SLC8A1: variants seen among roughly 807,000 people sequenced by gnomAD.
The protein encoded by SLC8A1 is solute carrier family 8 member A1, also known as sodium/calcium exchanger 1.
In SLC8A1, 18 loss-of-function variants were observed where a neutral mutation model predicts 68.3. That is an observed-to-expected ratio of 0.26 (90% CI 0.18 to 0.39). SLC8A1 has a LOEUF of 0.39. Among genes scored for constraint, SLC8A1 ranks in the 10% least tolerant of loss-of-function variants. SLC8A1 has a pLI of 1.00. For synonymous variants in SLC8A1, 475 were observed against 415.5 expected (o/e 1.14, Z -1.74); for missense variants, 985 against 1,156.7 (o/e 0.85, Z 2.15).
intron 2 of SLC8A1, among the ~76,000 whole-genome samples, chr2:40,395,529 C>T (rs1255191037): frequency 6.6e-6 from 1 of 152,058 alleles, no homozygotes; most frequent in South Asian, 2.1e-4. Flanking sequence ...CTGTCTGGCC[C>T]CTCATGAGAA....
chr2:40,225,425 G>A (rs1408676349), intron 2 of SLC8A1, among the ~76,000 whole-genome samples: 2 of 152,106 alleles, frequency 1.3e-5, no homozygotes, highest in Non-Finnish European at 2.9e-5. Flanking sequence ...CATATTAATG[G>A]CTACTAATAG....
At chr2:40,304,262 G>C (rs2072132507) in intron 2 of SLC8A1, among the ~76,000 whole-genome samples, 1 of 152,110 alleles carries the variant, frequency 6.6e-6, no homozygotes, top group African/African-American at 2.4e-5. Context: ...CTTTTAATTA[G>C]AGTTTTAGTC....
At chr2:40,193,742 G>C (rs768661242) in intron 2 of SLC8A1, among the ~76,000 whole-genome samples, 1 of 152,062 alleles carries the variant, frequency 6.6e-6, no homozygotes, top group African/African-American at 2.4e-5. Flanking sequence ...AATAAAGCTT[G>C]TATTGTAGTG....
In SLC8A1 at chr2:40,370,636, T is replaced by C. The variant is rs143512797; in HGVS notation, c.1808+57837A>G. Among the ~76,000 whole-genome samples, 154 of 152,196 alleles carry C rather than the reference T, an allele frequency of 1.0e-3. 1 individual carries two copies. Among genetic ancestry groups the C allele is most frequent in the Middle Eastern group, 3.4e-3 (1 of 294 alleles). Reference sequence around the variant, plus strand: ...AACTTGAATAATGAATTATAAAATATGTTAAATTGACAAATGACACTAATT... The same window carrying C: ...AACTTGAATAATGAATTATAAAATACGTTAAATTGACAAATGACACTAATT... On this transcript the variant is annotated intron_variant, in intron 2 of 7. Coordinates refer to ENST00000406785, the Ensembl canonical transcript of SLC8A1.
At chr2:40,422,256 T>A (rs1249944624) in intron 2 of SLC8A1, among the ~76,000 whole-genome samples, 2 of 152,184 alleles carry the variant, frequency 1.3e-5, no homozygotes, top group African/African-American at 4.8e-5. Context: ...GACTAATCGA[T>A]GTTCTACCCC....
At chr2:40,168,487 G>A (rs1481682120) in intron 4 of SLC8A1, among the ~76,000 whole-genome samples, 1 of 152,104 alleles carries the variant, frequency 6.6e-6, no homozygotes, top group African/African-American at 2.4e-5. Context: ...AATGGCAGCT[G>A]TATAGATTCT....
chr2:40,343,809 T>G (rs1414868493), intron 2 of SLC8A1, among the ~76,000 whole-genome samples: 4 of 152,206 alleles, frequency 2.6e-5, no homozygotes, highest in Non-Finnish European at 5.9e-5. Context: ...CTACTGTACT[T>G]GTAATTTTGA....
chr2:40,258,363 C>T (rs1000447730), intron 2 of SLC8A1, among the ~76,000 whole-genome samples: 9 of 152,146 alleles, frequency 5.9e-5, no homozygotes, highest in Non-Finnish European at 1.2e-4. Flanking sequence ...TACCTTCAGA[C>T]GTCAAAATGA....
At chr2:40,495,057 A>G (rs1705603089) in intron 1 of SLC8A1, among the ~76,000 whole-genome samples, 2 of 151,918 alleles carry the variant, frequency 1.3e-5, no homozygotes, top group Non-Finnish European at 2.9e-5. Flanking sequence ...CTGGGAGGTG[A>G]GGTTTGGTAC....
At chr2:40,210,614 T>A (rs2056408291) in intron 2 of SLC8A1, among the ~76,000 whole-genome samples, 1 of 152,158 alleles carries the variant, frequency 6.6e-6, no homozygotes, top group African/African-American at 2.4e-5. Flanking sequence ...GCTCTTGCTG[T>A]AAAATGAAAG....
chr2:40,283,089 C>T (rs576938499), intron 2 of SLC8A1, among the ~76,000 whole-genome samples: 18 of 152,236 alleles, frequency 1.2e-4, no homozygotes, highest in Middle Eastern at 6.8e-3. Context: ...GATTCCAAGA[C>T]GATTTAGAAG....
At chr2:40,445,879 G>T (rs374393394) in intron 1 of SLC8A1, among the ~76,000 whole-genome samples, 1 of 152,166 alleles carries the variant, frequency 6.6e-6, no homozygotes, top group Non-Finnish European at 1.5e-5. Flanking sequence ...TCTCCAAACT[G>T]TCTGATGCCA....
chr2:40,446,534 C>A (rs535766353), intron 1 of SLC8A1: 7 of 152,368 alleles, frequency 4.6e-5, no homozygotes, highest in African/African-American at 1.7e-4. Context: ...CGTGAAACCA[C>A]GTCCAATGTT....
intron 2 of SLC8A1, among the ~76,000 whole-genome samples, chr2:40,297,026 ATAAT>A (rs1177207269): frequency 6.6e-6 from 1 of 151,928 alleles, no homozygotes; most frequent in Non-Finnish European, 1.5e-5. Context: ...TCATGTGACT[ATAAT>A]TAATTTTTTT....
intron 2 of SLC8A1, among the ~76,000 whole-genome samples, chr2:40,242,423 C>T (rs1299653694): frequency 6.6e-6 from 1 of 152,144 alleles, no homozygotes; most frequent in Non-Finnish European, 1.5e-5. Context: ...TCCTGGATTG[C>T]CTGCCATGCT....
At chr2:40,142,399 A>G (rs574957802) in intron 6 of SLC8A1, among the ~76,000 whole-genome samples, 1 of 152,180 alleles carries the variant, frequency 6.6e-6, no homozygotes, top group Non-Finnish European at 1.5e-5. Context: ...GAGAAAAAGC[A>G]CTAGGTTTTC....
At chr2:40,456,520 C>G (rs1703034507), upstream of SLC8A1, among the ~76,000 whole-genome samples, 1 of 152,076 alleles carries the variant, frequency 6.6e-6, no homozygotes, top group Non-Finnish European at 1.5e-5. Context: ...AGAGCCAAGG[C>G]TTTAGAGTCA....
At chr2:40,361,417 C>T (rs917386056) in intron 2 of SLC8A1, among the ~76,000 whole-genome samples, 1 of 146,092 alleles carries the variant, frequency 6.8e-6, no homozygotes, top group African/African-American at 2.7e-5. Flanking sequence ...TCACTTCTTC[C>T]AATACTTTAA....
intron 2 of SLC8A1, among the ~76,000 whole-genome samples, chr2:40,365,632 G>A (rs1292524502): frequency 6.6e-6 from 1 of 151,974 alleles, no homozygotes; most frequent in East Asian, 1.9e-4. Context: ...TTTTCTGTTT[G>A]GTTGATGACC....
Sources: gnomAD v4.1 joint callset for allele counts (sites outside exome capture counted in the v4.1 genomes callset) on GRCh38, gnomAD v4.1.1 for gene constraint, MANE v1.5 for transcripts, NCBI Gene and HGNC (gene_info 2026-07-23, HGNC 2026-07-21) for gene names.